Variants in PIGU observed in about 807,000 individuals in gnomAD.
PIGU encodes phosphatidylinositol glycan anchor biosynthesis class U.
A neutral mutation model predicts 49.9 loss-of-function variants in PIGU; 24 were observed. The observed-to-expected ratio is 0.48, with a 90% CI of 0.35 to 0.68. PIGU has a LOEUF of 0.68. Among genes scored for constraint, PIGU ranks in the 30% least tolerant of loss-of-function variants. The pLI is 0.01. For missense variants in PIGU, 490 were observed against 532.6 expected (o/e 0.92, Z 0.79); for synonymous variants, 220 against 205.7 (o/e 1.07, Z -0.59).
At chr20:34,676,838 GAC>G in intron 1 of PIGU, 116 bp downstream of exon 1, 1 of 1,294,384 alleles carries the variant, frequency 7.7e-7, no homozygotes, top group Non-Finnish European at 1.1e-6. Flanking sequence ...AACCCCACGA[GAC>G]AGTCAGTTAG....
chr20:34,560,545 A>C lies in PIGU; in HGVS notation c.*321T>G, dbSNP rs1982432646. 3.3e-6 allele frequency: 1 copy of C among 303,060 alleles called. No individual in the cohort carries two copies. The highest frequency in any genetic ancestry group is 6.1e-6 in the Non-Finnish European group (1 of 164,262). The allele number at this position is 303,060 out of a possible 1,614,324, so 18.8% of individuals were successfully genotyped here. Reference sequence around the variant, plus strand: ...CAATGCAGATGTGGTCTCAGGGTAGACTTCATAACAAAAAACATTTATTAA... The same window carrying C: ...CAATGCAGATGTGGTCTCAGGGTAGCCTTCATAACAAAAAACATTTATTAA... On this transcript the variant is annotated 3_prime_UTR_variant, in exon 12 of 12. Transcript: ENST00000217446.
intron 1 of PIGU, among the ~76,000 whole-genome samples, chr20:34,660,096 T>C (rs1036232308): frequency 8.1e-5 from 7 of 86,334 alleles, no homozygotes; most frequent in Non-Finnish European, 1.8e-4. Context: ...AAATAAATAA[T>C]AAATAAATAA....
rs551968386 is a variant in PIGU, at chr20:34,584,679, T to TTTG, written c.926+755_926+757dup. Reference sequence around the variant, plus strand: ...GGCACACCACCACACCTGGCTAATTTTTGTTGTTGTTGTTGTTGTTTTTGT... The same window carrying TTTG: ...GGCACACCACCACACCTGGCTAATTTTTGTTGTTGTTGTTGTTGTTGTTTTTGT... On this transcript the variant is annotated intron_variant, in intron 9 of 11. Coordinates refer to ENST00000217446, the MANE Select transcript of PIGU (RefSeq NM_080476.5). Among the ~76,000 whole-genome samples the TTTG allele has an allele frequency of 2.2e-3, 331 of 150,682 alleles. 1 individual carries two copies. The highest frequency in any genetic ancestry group is 7.4e-3 in the African/African-American group (304 of 41,018).
intron 1 of PIGU, among the ~76,000 whole-genome samples, chr20:34,665,304 C>T (rs1987055380): frequency 1.4e-5 from 2 of 143,738 alleles, no homozygotes; most frequent in African/African-American, 2.5e-5. Flanking sequence ...CCCGGGTTCA[C>T]GCCATTCTCC....
chr20:34,601,086 C>T (rs1984402115), intron 7 of PIGU, among the ~76,000 whole-genome samples: 1 of 151,734 alleles, frequency 6.6e-6, no homozygotes, highest in South Asian at 2.1e-4. Context: ...TGAACACACA[C>T]TCAGGAAATG....
intron 4 of PIGU, among the ~76,000 whole-genome samples, chr20:34,638,526 T>C (rs1986042379): frequency 6.6e-6 from 1 of 152,228 alleles, no homozygotes; most frequent in Non-Finnish European, 1.5e-5. Context: ...GCTAAATGAA[T>C]GACTTGCTGG....
rs1051796801 is a variant in PIGU, at chr20:34,654,336, G to A, written c.195+2844C>T. Among the ~76,000 whole-genome samples, 24 of 114,030 alleles carry A rather than the reference G, an allele frequency of 2.1e-4. 7 individuals carry two copies. Among genetic ancestry groups the A allele is most frequent in the East Asian group, 1.4e-3 (5 of 3,588 alleles). The allele number at this position is 114,030 out of a possible 152,430, so 74.8% of individuals were successfully genotyped here. ...AAATTAGCCAGGCGTGGTGGCACAC[G>A]CCTATAACTCCAGCTACTTGGGATG... On this transcript the variant is annotated intron_variant, in intron 2 of 11. Coordinates refer to ENST00000217446, the MANE Select transcript of PIGU (RefSeq NM_080476.5).
At chr20:34,642,609 C>T (rs1322175392) in intron 4 of PIGU, among the ~76,000 whole-genome samples, 1 of 149,658 alleles carries the variant, frequency 6.7e-6, no homozygotes, top group African/African-American at 2.5e-5. Context: ...AGCTACCAAT[C>T]CTGCCTCAGC....
At chr20:34,566,956 AGT>A (rs1014617881) in intron 11 of PIGU, among the ~76,000 whole-genome samples, 2 of 152,352 alleles carry the variant, frequency 1.3e-5, no homozygotes, top group South Asian at 4.1e-4. Flanking sequence ...TTGTTAATAC[AGT>A]GTGTCTTGAA....
At chr20:34,672,842 G>T (rs1987348751) in intron 1 of PIGU, among the ~76,000 whole-genome samples, 1 of 142,810 alleles carries the variant, frequency 7.0e-6, no homozygotes, top group South Asian at 2.3e-4. Flanking sequence ...GAGACAGAGT[G>T]GGACCCTGTC....
intron 7 of PIGU, among the ~76,000 whole-genome samples, chr20:34,611,283 G>A (rs1028341260): frequency 1.6e-4 from 24 of 152,250 alleles, no homozygotes; most frequent in African/African-American, 5.5e-4. Context: ...CAGAATGGGA[G>A]AAAATTTTTG....
chr20:34,574,954 C>T (rs1983161731), intron 11 of PIGU, 150 bp downstream of exon 11: 1 of 1,033,954 alleles, frequency 9.7e-7, no homozygotes. Context: ...ACTTCCCCGT[C>T]CTCACTGACT....
chr20:34,600,752 T>G (rs1290591762), intron 7 of PIGU, among the ~76,000 whole-genome samples: 1 of 152,008 alleles, frequency 6.6e-6, no homozygotes, highest in African/African-American at 2.4e-5. Context: ...AAGCAGTTAT[T>G]GGCCGGGCAC....
At chr20:34,643,646 T>C (rs1308075648) in intron 4 of PIGU, 1 of 152,470 alleles carries the variant, frequency 6.6e-6, no homozygotes, top group Admixed American at 6.5e-5. Context: ...CTATTACATA[T>C]GGATTAAGAC....
intron 1 of PIGU, among the ~76,000 whole-genome samples, chr20:34,672,172 C>G (rs554062813): frequency 4.6e-5 from 7 of 152,178 alleles, no homozygotes; most frequent in African/African-American, 7.2e-5. Flanking sequence ...AACTCCTGGG[C>G]TCAAGTGATC....
chr20:34,590,587 A>G (rs1354678355), intron 7 of PIGU, among the ~76,000 whole-genome samples: 3 of 140,640 alleles, frequency 2.1e-5, no homozygotes, highest in Non-Finnish European at 4.7e-5. Flanking sequence ...GTAACATAAC[A>G]TAACATAACA....
chr20:34,633,261 C>T (rs868025817), intron 6 of PIGU, among the ~76,000 whole-genome samples: 3 of 152,144 alleles, frequency 2.0e-5, no homozygotes, highest in Middle Eastern at 3.4e-3. Context: ...TCCAGGAATT[C>T]GACAGCAGCC....
intron 2 of PIGU, among the ~76,000 whole-genome samples, chr20:34,656,723 G>C (rs1291250121): frequency 1.4e-5 from 2 of 146,300 alleles, no homozygotes; most frequent in South Asian, 2.1e-4. Context: ...CCGTGATTGT[G>C]TCACTGCACT....
intron 6 of PIGU, among the ~76,000 whole-genome samples, chr20:34,633,235 G>C (rs1985847628): frequency 6.6e-6 from 1 of 152,140 alleles, no homozygotes. Flanking sequence ...AGGCCAAGGA[G>C]GGTGGATCGC....
Sources: allele counts gnomAD v4.1 joint callset (sites outside exome capture counted in the v4.1 genomes callset), GRCh38; gene constraint gnomAD v4.1.1; transcripts MANE v1.5; gene names NCBI Gene and HGNC (gene_info 2026-07-23, HGNC 2026-07-21).